NEDD4L: variants seen among roughly 807,000 people sequenced by gnomAD.
NEDD4L encodes the protein NEDD4 like E3 ubiquitin protein ligase.
Under a neutral mutation model 148.9 loss-of-function variants are expected in NEDD4L, and 54 were observed. The ratio of observed to expected loss-of-function variants is 0.36; its 90% CI spans 0.29 to 0.45. NEDD4L has a LOEUF of 0.45. Among genes scored for constraint, NEDD4L ranks in the 20% least tolerant of loss-of-function variants. NEDD4L has a pLI of 1.00. For synonymous variants in NEDD4L, 433 were observed against 440.7 expected (o/e 0.98, Z 0.22); for missense variants, 856 against 1,233.8 (o/e 0.69, Z 4.59).
At chr18:58,289,507 T>G (rs984470835) in intron 5 of NEDD4L, among the ~76,000 whole-genome samples, 5 of 152,164 alleles carry the variant, frequency 3.3e-5, no homozygotes, top group Non-Finnish European at 7.3e-5. Context: ...AAAGTACTTT[T>G]AAATAAGGTT....
Position 58,256,186 on chromosome 18 carries a change from C to CT in NEDD4L, c.297+4132_297+4133insT. 2 of 1,217,436 alleles carry CT rather than the reference C, an allele frequency of 1.6e-6. No homozygotes were observed. The highest frequency in any genetic ancestry group is 2.0e-6 in the Non-Finnish European group (2 of 979,000). 75.4% of individuals were successfully genotyped at this position (1,217,436 alleles called of 1,614,324 possible). A position where few individuals can be genotyped will look rare whatever the true frequency, so the allele number is the denominator to read the frequency against. ...TGCGGTGCTCCGGCCCCGTGGACTG[C>CT]GCGGAGGAGGCTGCCCCGGGCCTGC... On this transcript the variant is annotated intron_variant, in intron 5 of 30. Coordinates refer to ENST00000400345, the MANE Select transcript of NEDD4L (RefSeq NM_001144967.3). This position sits in a 1 kb window ranked among gnomAD's most constrained non-coding sequence, Gnocchi z 5.2.
intron 5 of NEDD4L, among the ~76,000 whole-genome samples, chr18:58,292,630 G>T (rs1254237932): frequency 1.3e-5 from 2 of 152,120 alleles, no homozygotes; most frequent in African/African-American, 4.8e-5. Flanking sequence ...GTCTCCTTTT[G>T]CATCCTTTTC....
intron 1 of NEDD4L, among the ~76,000 whole-genome samples, chr18:58,108,507 G>A (rs2085217581): frequency 6.6e-6 from 1 of 152,094 alleles, no homozygotes; most frequent in Non-Finnish European, 1.5e-5. Context: ...TGCAACCTCC[G>A]CCTCCTGGGT....
intron 1 of NEDD4L, among the ~76,000 whole-genome samples, chr18:58,065,514 C>T (rs1389252201): frequency 1.3e-5 from 2 of 152,182 alleles, no homozygotes; most frequent in African/African-American, 4.8e-5. Context: ...CCAGTGATGA[C>T]AGTAAAATAA....
chr18:58,302,913 A>G (rs1200414921), intron 5 of NEDD4L, among the ~76,000 whole-genome samples: 2 of 152,236 alleles, frequency 1.3e-5, no homozygotes, highest in African/African-American at 4.8e-5. Context: ...TCTTGGAGAT[A>G]GTGCTTTCCT....
intron 2 of NEDD4L, among the ~76,000 whole-genome samples, chr18:58,199,442 C>T (rs1051548974): frequency 3.9e-5 from 6 of 152,104 alleles, no homozygotes; most frequent in Admixed American, 3.3e-4. Context: ...CAGGATGGCA[C>T]CTGACACACA....
intron 1 of NEDD4L, chr18:58,047,152 C>A: frequency 1.4e-6 from 1 of 698,096 alleles, no homozygotes; most frequent in Non-Finnish European, 1.8e-6. Flanking sequence ...CAGGGTTGTT[C>A]TTCCAAGGCG....
At chr18:58,063,775 CG>C (rs1269030567) in intron 1 of NEDD4L, among the ~76,000 whole-genome samples, 43 of 150,636 alleles carry the variant, frequency 2.9e-4, no homozygotes, top group African/African-American at 9.5e-4. Context: ...CATATTGTCT[CG>C]AACTCCTGAC....
intron 1 of NEDD4L, among the ~76,000 whole-genome samples, chr18:58,065,458 G>C (rs1473714517): frequency 2.0e-5 from 3 of 152,146 alleles, no homozygotes; most frequent in African/African-American, 4.8e-5. Context: ...GTCTAGCTTT[G>C]GTATTCTTGC....
At chr18:58,320,761 G>A (rs2058701341) in intron 6 of NEDD4L, among the ~76,000 whole-genome samples, 1 of 152,190 alleles carries the variant, frequency 6.6e-6, no homozygotes, top group South Asian at 2.1e-4. Flanking sequence ...GCTGCAGTGA[G>A]CTATGATTGT....
intron 1 of NEDD4L, among the ~76,000 whole-genome samples, chr18:58,096,988 T>C (rs8092384): frequency 0.035 from 5,299 of 152,276 alleles, 313 homozygotes; most frequent in African/African-American, 0.12. Context: ...TTTGCATTAG[T>C]CAGTTAAGGT....
intron 1 of NEDD4L, among the ~76,000 whole-genome samples, chr18:58,055,433 C>T (rs574974927): frequency 7.0e-4 from 107 of 152,230 alleles, no homozygotes; most frequent in Admixed American, 1.6e-3. Flanking sequence ...CTACAATAAA[C>T]CTTTTTTTCT....
intron 1 of NEDD4L, among the ~76,000 whole-genome samples, chr18:58,056,894 C>CTTT (rs74183230): frequency 4.4e-4 from 54 of 121,590 alleles, no homozygotes; most frequent in African/African-American, 1.4e-3. Context: ...GCTATGCCCT[C>CTTT]TTTTTTTTTT....
chr18:58,076,731 C>A (rs1442327858), intron 1 of NEDD4L, among the ~76,000 whole-genome samples: 1 of 151,998 alleles, frequency 6.6e-6, no homozygotes, highest in Non-Finnish European at 1.5e-5. Context: ...GGCTCCAGTT[C>A]CCCCACCCCT....
At chr18:58,129,913 G>T (rs982762664) in intron 1 of NEDD4L, among the ~76,000 whole-genome samples, 6 of 148,682 alleles carry the variant, frequency 4.0e-5, no homozygotes, top group African/African-American at 1.5e-4. Flanking sequence ...CTGGAGTTTG[G>T]TTGTGATCTA....
At chr18:58,296,877 G>A (rs963277341) in intron 5 of NEDD4L, among the ~76,000 whole-genome samples, 20 of 151,724 alleles carry the variant, frequency 1.3e-4, no homozygotes, top group East Asian at 1.2e-3. Context: ...AGCTGAGATC[G>A]TGCCACTGCA....
chr18:58,318,631 C>T (rs891457685), intron 6 of NEDD4L, among the ~76,000 whole-genome samples: 1 of 152,232 alleles, frequency 6.6e-6, no homozygotes, highest in African/African-American at 2.4e-5. Flanking sequence ...GCCGTTTTCA[C>T]ATTTGTCTGT....
chr18:58,360,940 G>T (rs750283087), intron 19 of NEDD4L, among the ~76,000 whole-genome samples: 2 of 152,162 alleles, frequency 1.3e-5, no homozygotes, highest in Non-Finnish European at 2.9e-5. Flanking sequence ...CAGGCTTGGA[G>T]TATGGATTTA....
At chr18:58,318,304 C>T (rs1377171086) in intron 6 of NEDD4L, among the ~76,000 whole-genome samples, 1 of 152,284 alleles carries the variant, frequency 6.6e-6, no homozygotes, top group East Asian at 1.9e-4. Context: ...GCCTGTAACC[C>T]CAGCACTTTT....
Sources: gnomAD v4.1 joint callset for allele counts (sites outside exome capture counted in the v4.1 genomes callset) on GRCh38, gnomAD v4.1.1 for gene constraint, Gnocchi (gnomAD v3.1) non-coding constraint, MANE v1.5 for transcripts, NCBI Gene and HGNC (gene_info 2026-07-23, HGNC 2026-07-21) for gene names.